SMC6: variants seen among roughly 807,000 people sequenced by gnomAD.
SMC6 encodes the protein structural maintenance of chromosomes protein 6.
In SMC6, 79 loss-of-function variants were observed where a neutral mutation model predicts 142.2. That is an observed-to-expected ratio of 0.56 (90% CI 0.46 to 0.67). The LOEUF (loss-of-function observed/expected upper bound fraction) is 0.67. SMC6 is among the 30% of genes least tolerant of loss of function. SMC6 has a pLI of 0.00. For missense variants in SMC6, 1,072 were observed against 1,284.0 expected (o/e 0.83, Z 2.52); for synonymous variants, 411 against 412.4 (o/e 1.00, Z 0.04).
intron 2 of SMC6, among the ~76,000 whole-genome samples, chr2:17,748,384 A>G (rs1299030491): frequency 1.3e-5 from 2 of 152,232 alleles, no homozygotes; most frequent in African/African-American, 4.8e-5. Flanking sequence ...AGAACCTTAT[A>G]TATTATGAAG....
intron 5 of SMC6, among the ~76,000 whole-genome samples, chr2:17,734,749 T>A (rs982781456): frequency 6.8e-6 from 1 of 147,546 alleles, no homozygotes; most frequent in African/African-American, 2.5e-5. Flanking sequence ...TTTTTCTTTT[T>A]GAGACAGAGT....
At chr2:17,735,105 T>A (rs575842754) in intron 5 of SMC6, among the ~76,000 whole-genome samples, 1 of 151,908 alleles carries the variant, frequency 6.6e-6, no homozygotes, top group East Asian at 1.9e-4. Context: ...GCCTCATAAT[T>A]ACTGCTAAAC....
At chr2:17,729,839 A>C (rs1385853728) in intron 7 of SMC6, among the ~76,000 whole-genome samples, 3 of 152,222 alleles carry the variant, frequency 2.0e-5, no homozygotes, top group Non-Finnish European at 2.9e-5. Flanking sequence ...TCAATTTCTT[A>C]GTCACAATTT....
At chr2:17,741,538 C>T in intron 4 of SMC6, 74 bp downstream of exon 4, 2 of 851,294 alleles carry the variant, frequency 2.3e-6, no homozygotes, top group Non-Finnish European at 1.9e-6. Flanking sequence ...TAATAGTCAC[C>T]TATTTCAAAA....
intron 16 of SMC6, chr2:17,713,552 C>CAGAA (rs1299141308): frequency 2.1e-6 from 1 of 470,892 alleles, no homozygotes; most frequent in African/African-American, 2.0e-5. Flanking sequence ...CAGGCCCCAC[C>CAGAA]AGAATGGCCA....
chr2:17,720,677 G>T (rs1327643587), intron 11 of SMC6, among the ~76,000 whole-genome samples: 4 of 152,070 alleles, frequency 2.6e-5, no homozygotes, highest in Admixed American at 6.6e-5. Context: ...TGTCTTGTCA[G>T]TAACAAAGTT....
intron 5 of SMC6, among the ~76,000 whole-genome samples, chr2:17,736,470 C>T (rs1362041972): frequency 6.6e-6 from 1 of 152,066 alleles, no homozygotes; most frequent in Non-Finnish European, 1.5e-5. Context: ...AAACATTTAA[C>T]AGTGTATAAA....
intron 2 of SMC6, among the ~76,000 whole-genome samples, chr2:17,749,143 A>G (rs1177452722): frequency 1.3e-5 from 2 of 152,220 alleles, no homozygotes; most frequent in Admixed American, 6.5e-5. Flanking sequence ...TTAAAATAGT[A>G]AAATTGTTTC....
At chr2:17,705,115 G>A (rs114250000) in intron 18 of SMC6, among the ~76,000 whole-genome samples, 2,107 of 151,896 alleles carry the variant, frequency 0.014, 15 homozygotes, top group Non-Finnish European at 0.016. Context: ...GAAATTAGCC[G>A]GGTGTGGTGG....
At position 17,738,298 on chromosome 2, in the gene SMC6, G is replaced by C; in HGVS notation, c.267C>G (p.Leu89=). The change falls in exon 5 of 28, where the codon CTC becomes CTG. Residue 89 remains leucine, a synonymous_variant. Transcript: ENST00000448223. ...CTGCTCTTCCACCAAGACCGACTATGAGAGCTGTGAGTACTGCACTCTTCC... is the reference window on the plus strand; with the variant it reads ...CTGCTCTTCCACCAAGACCGACTATCAGAGCTGTGAGTACTGCACTCTTCC... ...GSGKSAVLTA[L]IVGLGGRAVA... 1 of 1,613,536 alleles carries C rather than the reference G, an allele frequency of 6.2e-7. No homozygotes were observed. The highest frequency in any genetic ancestry group is 1.1e-5 in the South Asian group (1 of 91,044).
chr2:17,697,052 G>C (rs1668036052), intron 21 of SMC6, among the ~76,000 whole-genome samples: 1 of 152,058 alleles, frequency 6.6e-6, no homozygotes, highest in South Asian at 2.1e-4. Context: ...CATAAAGAGG[G>C]AAAGTATGAA....
At position 17,700,260 on chromosome 2, in the gene SMC6, T is replaced by C. The variant is rs769051265; in HGVS notation, c.2342A>G (p.Asp781Gly). The part of the protein sequence containing the change: ...SLKIEAENKY[D>G]AIKFKINQLS... Reference sequence around the variant, plus strand: ...TTGATTAATTTTGAATTTAATTGCATCATACTTATTTTCTGCTTCTATTTT... The same window carrying C: ...TTGATTAATTTTGAATTTAATTGCACCATACTTATTTTCTGCTTCTATTTT... The change falls in exon 21 of 28, where the codon GAT (aspartate) becomes GGT (glycine). Residue 781 changes from aspartate to glycine, a missense_variant. Asp to Gly is a moderately conservative substitution (Grantham distance 94). This residue lies in a region of SMC6 where 994 missense variants were observed against 1,153.2 expected (regional missense o/e 0.86). Coordinates refer to ENST00000448223, the MANE Select transcript of SMC6 (RefSeq NM_001142286.2). The C allele has an allele frequency of 1.2e-5, 19 of 1,610,582 alleles. No homozygotes were observed. The highest frequency in any genetic ancestry group is 1.6e-5 in the Non-Finnish European group (19 of 1,178,142).
At chr2:17,683,430 A>G (rs1014862952) in intron 24 of SMC6, among the ~76,000 whole-genome samples, 1 of 152,190 alleles carries the variant, frequency 6.6e-6, no homozygotes, top group Non-Finnish European at 1.5e-5. Context: ...TTAAGCATAA[A>G]GAATATCTAA....
Position 17,719,086 on chromosome 2 carries a change from C to T in SMC6, c.946-863G>A, listed in dbSNP as rs1295643528. ...TTTCGATCGGGGTCAGCAAACCTTT[C>T]TACAAGGAGCTAGATAGTGCACACT... On this transcript the variant is annotated intron_variant, in intron 11 of 27. Transcript: ENST00000448223. 2.0e-5 allele frequency among the ~76,000 whole-genome samples: 3 copies of T among 152,132 alleles called. No individual in the cohort carries two copies. The East Asian group carries it at 5.8e-4, about 29-fold the overall frequency.
chr2:17,703,055 A>G (rs1668345843), intron 19 of SMC6, 102 bp downstream of exon 19: 1 of 711,880 alleles, frequency 1.4e-6, no homozygotes. Context: ...TGAGGCCAAA[A>G]GGTTTGAGAA....
chr2:17,699,134 A>C (rs1572286032), intron 21 of SMC6, among the ~76,000 whole-genome samples: 2 of 151,692 alleles, frequency 1.3e-5, no homozygotes, highest in East Asian at 3.9e-4. Context: ...TTCCTTCCTG[A>C]TGTTCCAAGA....
intron 21 of SMC6, among the ~76,000 whole-genome samples, chr2:17,698,755 TTC>T (rs1454992974): frequency 2.0e-5 from 3 of 152,094 alleles, no homozygotes; most frequent in African/African-American, 4.8e-5. Context: ...TTCATCTGTC[TTC>T]TCTTTCCTGC....
chr2:17,668,267 G>A (rs963688833), intron 26 of SMC6, among the ~76,000 whole-genome samples: 2 of 152,296 alleles, frequency 1.3e-5, no homozygotes, highest in Middle Eastern at 3.4e-3. Context: ...TCTATGACTC[G>A]TGATTAGCTC....
intron 21 of SMC6, among the ~76,000 whole-genome samples, chr2:17,698,184 C>T (rs543179982): frequency 5.9e-5 from 9 of 151,818 alleles, no homozygotes; most frequent in South Asian, 2.1e-4. Context: ...CTTTATTAGG[C>T]GATGAAAATG....
Sources: allele counts gnomAD v4.1 joint callset (sites outside exome capture counted in the v4.1 genomes callset), GRCh38; gene constraint gnomAD v4.1.1; regional missense constraint gnomAD v4.1.1; transcripts MANE v1.5; gene names NCBI Gene and HGNC (gene_info 2026-07-23, HGNC 2026-07-21).